Variants in SYNE1 observed in about 807,000 individuals in gnomAD.
SYNE1 encodes the protein nesprin-1.
A neutral mutation model predicts 1,111.0 loss-of-function variants in SYNE1; 616 were observed. The observed-to-expected ratio is 0.55, with a 90% CI of 0.52 to 0.59. SYNE1 has a LOEUF of 0.59. Among genes scored for constraint, SYNE1 ranks in the 20% least tolerant of loss-of-function variants. The probability of loss-of-function intolerance (pLI) is 0.00; values close to 1 mark genes in which losing one functional copy is unlikely to be tolerated. For synonymous variants in SYNE1, 3,855 were observed against 3,825.8 expected, an observed-to-expected ratio of 1.01 and a Z score of -0.28; for missense variants, 10,006 against 10,417.0, an observed-to-expected ratio of 0.96 and a Z score of 1.72.
chr6:152,482,078 G>A (rs1019781599), intron 14 of SYNE1, among the ~76,000 whole-genome samples: 7 of 152,108 alleles, frequency 4.6e-5, no homozygotes, highest in African/African-American at 1.7e-4. Flanking sequence ...GCAGGACCCT[G>A]AGTGATGGCC....
At chr6:152,283,810 C>T (rs1275092630) in intron 96 of SYNE1, among the ~76,000 whole-genome samples, 168 bp downstream of exon 96, 2 of 152,210 alleles carry the variant, frequency 1.3e-5, no homozygotes, top group Non-Finnish European at 2.9e-5. Flanking sequence ...GCTGGGATTA[C>T]AGGTGTGAAC....
chr6:152,325,276 G>C lies in SYNE1; in HGVS notation c.15465C>G (p.Phe5155Leu). The C allele has an allele frequency of 2.5e-6, 4 of 1,614,198 alleles. No homozygotes were observed. The highest frequency in any genetic ancestry group is 3.4e-6 in the Non-Finnish European group (4 of 1,180,040). Reference protein sequence around the residue: ...HKALVSVVNSFHEKIVALEEK... With the variant: ...HKALVSVVNSLHEKIVALEEK... Reference sequence around the variant, plus strand: ...CCTCAAGGGCCACAATTTTCTCATGGAAAGAGTTAACCACTGACACTAAAG... The same window carrying C: ...CCTCAAGGGCCACAATTTTCTCATGCAAAGAGTTAACCACTGACACTAAAG... The change falls in exon 81 of 146, where the codon TTC becomes TTG. Residue 5155 changes from phenylalanine (F) to leucine (L), a missense_variant. Physicochemically the swap from Phe to Leu is conservative, Grantham distance 22. Coordinates refer to ENST00000367255, the MANE Select transcript of SYNE1 (RefSeq NM_182961.4).
chr6:152,242,722 T>C (rs977315470), intron 106 of SYNE1, among the ~76,000 whole-genome samples: 2 of 152,208 alleles, frequency 1.3e-5, no homozygotes, highest in Non-Finnish European at 2.9e-5. Context: ...TCAAGTTCTT[T>C]CATTAATCTT....
chr6:152,404,331 A>C lies in SYNE1; in HGVS notation c.6724-17T>G. 6.4e-7 allele frequency: 1 copy of C among 1,573,402 alleles called. No homozygotes were observed. Among genetic ancestry groups the C allele is most frequent in the Non-Finnish European group, 8.7e-7 (1 of 1,145,398 alleles). Reference sequence around the variant, plus strand: ...AACTTCAGACTGCCAAAAGGGAAGAAACATAACTAATCAAAAACACTGACA... The same window carrying C: ...AACTTCAGACTGCCAAAAGGGAAGACACATAACTAATCAAAAACACTGACA... On this transcript the variant is annotated splice_polypyrimidine_tract_variant and intron_variant, in intron 45 of 145. Coordinates refer to ENST00000367255, the MANE Select transcript of SYNE1 (RefSeq NM_182961.4).
chr6:152,447,908 T>C (rs909355518), intron 28 of SYNE1, among the ~76,000 whole-genome samples: 11 of 152,200 alleles, frequency 7.2e-5, no homozygotes, highest in African/African-American at 2.7e-4. Flanking sequence ...CTAAAAATAC[T>C]GTAGAAAAAT....
At chr6:152,367,418 C>T in intron 61 of SYNE1, 36 bp from the exon 62 acceptor site, 1 of 1,610,768 alleles carries the variant, frequency 6.2e-7, no homozygotes, top group Non-Finnish European at 8.5e-7. Context: ...AGCTGTCCAT[C>T]CCACAGAGAC....
chr6:152,122,532 T>G lies in SYNE1; in HGVS notation c.26298A>C (p.Pro8766=). The G allele has an allele frequency of 6.2e-7, 1 of 1,614,110 alleles. No homozygotes were observed. The highest frequency in any genetic ancestry group is 8.5e-7 in the Non-Finnish European group (1 of 1,180,014). ...LLLIGLACLV[P]MSEEDYSCAL... is the part of the protein sequence containing the mutation. ...CACAGCTGTAGTCTTCCTCTGACAT[T>G]GGTACAAGGCAGGCAAGCCCGATGA... The change falls in exon 146 of 146, where the codon CCA becomes CCC. Residue 8766 remains proline (P), a synonymous_variant. Coordinates refer to ENST00000367255, the MANE Select transcript of SYNE1 (RefSeq NM_182961.4).
intron 110 of SYNE1, 30 bp from the exon 111 acceptor site, chr6:152,234,830 T>C (rs781581988): frequency 1.2e-6 from 2 of 1,612,844 alleles, no homozygotes; most frequent in Non-Finnish European, 1.7e-6. Context: ...GTCCATTAAG[T>C]AAACATTTCA....
intron 130 of SYNE1, among the ~76,000 whole-genome samples, chr6:152,171,094 T>G (rs768677071): frequency 2.6e-5 from 4 of 152,212 alleles, no homozygotes; most frequent in Non-Finnish European, 5.9e-5. Context: ...ATTAAACATG[T>G]TTTTCTTTAT....
chr6:152,427,778 T>C lies in SYNE1; in HGVS notation c.5015A>G (p.Glu1672Gly), dbSNP rs767703774. ...KELSSFLTWL[E>G]RGEAKASSPE... ...GGAACTGGCTTTAGCTTCACCCCGCTCTAACCAGGTCAAAAAGGATGATAG... is the reference window on the plus strand; with the variant it reads ...GGAACTGGCTTTAGCTTCACCCCGCCCTAACCAGGTCAAAAAGGATGATAG... Residue 1672 changes from glutamate to glycine, a missense_variant, in exon 38 of 146, where the codon GAG (glutamate) becomes GGG (glycine). Physicochemically the swap from Glu to Gly is moderately conservative, Grantham distance 98. Coordinates refer to ENST00000367255, the MANE Select transcript of SYNE1 (RefSeq NM_182961.4). The C allele has an allele frequency of 3.1e-6, 5 of 1,614,158 alleles. No homozygotes were observed. The highest frequency in any genetic ancestry group is 4.2e-6 in the Non-Finnish European group (5 of 1,180,042).
chr6:152,513,554 G>A (rs1236278348), intron 6 of SYNE1, among the ~76,000 whole-genome samples: 1 of 152,046 alleles, frequency 6.6e-6, no homozygotes, highest in Non-Finnish European at 1.5e-5. Context: ...GGCTGGTCTC[G>A]AACTCCTGAC....
intron 3 of SYNE1, among the ~76,000 whole-genome samples, chr6:152,620,990 T>C (rs2099674149): frequency 6.6e-6 from 1 of 151,382 alleles, no homozygotes; most frequent in Non-Finnish European, 1.5e-5. Context: ...GCTAGAGGGG[T>C]TTAGAGGAAG....
chr6:152,343,502 C>T (rs2096576178), intron 74 of SYNE1, among the ~76,000 whole-genome samples: 1 of 144,896 alleles, frequency 6.9e-6, no homozygotes, highest in Non-Finnish European at 1.5e-5. Flanking sequence ...AGTTTATTTT[C>T]ATTATTCTTT....
At chr6:152,547,815 G>A (rs562749391) in intron 3 of SYNE1, among the ~76,000 whole-genome samples, 2 of 151,980 alleles carry the variant, frequency 1.3e-5, no homozygotes, top group East Asian at 3.9e-4. Context: ...TGTCCTTCAG[G>A]TTCATCCATG....
At chr6:152,159,662 G>A (rs968551557) in intron 131 of SYNE1, among the ~76,000 whole-genome samples, 2 of 152,000 alleles carry the variant, frequency 1.3e-5, no homozygotes, top group African/African-American at 4.8e-5. Flanking sequence ...TGGAGTGCAG[G>A]GGTGTGATTA....
chr6:152,302,433 T>G (rs2095227323), intron 91 of SYNE1, among the ~76,000 whole-genome samples: 1 of 152,260 alleles, frequency 6.6e-6, no homozygotes. Flanking sequence ...ATTTACCAGA[T>G]GGTTCCTGCC....
chr6:152,311,000 C>A, intron 87 of SYNE1, 127 bp from the exon 88 acceptor site: 1 of 914,324 alleles, frequency 1.1e-6, no homozygotes, highest in Non-Finnish European at 1.7e-6. Context: ...ACCTTCACCC[C>A]CCATGACCAC....
chr6:152,496,068 T>G (rs1041835768), intron 11 of SYNE1, among the ~76,000 whole-genome samples: 2 of 152,206 alleles, frequency 1.3e-5, no homozygotes, highest in African/African-American at 4.8e-5. Flanking sequence ...GTGACTCCTC[T>G]ACCTACATGT....
chr6:152,255,591 C>T lies in SYNE1; in HGVS notation c.19260G>A (p.Glu6420=), dbSNP rs190197783. 2.5e-6 allele frequency: 4 copies of T among 1,614,184 alleles called. No individual in the cohort carries two copies. The highest frequency in any genetic ancestry group is 3.4e-6 in the Non-Finnish European group (4 of 1,180,022). Residue 6420 remains glutamate, a splice_region_variant and synonymous_variant, in exon 103 of 146, where the codon GAG becomes GAA. Coordinates refer to ENST00000367255, the MANE Select transcript of SYNE1 (RefSeq NM_182961.4). The stretch of plus-strand genomic sequence containing the variant: ...CACAGGCAGGAACTACTAAACCTAC[C>T]TCTTGGTTGAAGAGACAAGTCTCTG... The part of the protein sequence containing the change: ...EETETCLFNQ[E]ILAKDIKEMS...
Sources: gnomAD v4.1 joint callset for allele counts (sites outside exome capture counted in the v4.1 genomes callset) on GRCh38, gnomAD v4.1.1 for gene constraint, MANE v1.5 for transcripts, NCBI Gene and HGNC (gene_info 2026-07-23, HGNC 2026-07-21) for gene names.